Variants in STRBP observed in about 807,000 individuals in gnomAD.
STRBP encodes spermatid perinuclear RNA binding protein.
A neutral mutation model predicts 80.1 loss-of-function variants in STRBP; 13 were observed. The ratio of observed to expected loss-of-function variants is 0.16; its 90% CI spans 0.11 to 0.26. STRBP has a LOEUF of 0.26. STRBP is among the 10% of genes least tolerant of loss of function. The pLI, the probability that STRBP is intolerant of heterozygous loss-of-function variation, is 1.00. For synonymous variants in STRBP, 284 were observed against 291.2 expected, an observed-to-expected ratio of 0.98 and a Z score of 0.25; for missense variants, 485 against 815.2, an observed-to-expected ratio of 0.59 and a Z score of 4.93.
At chr9:123,169,627 G>A (rs2037923489) in intron 6 of STRBP, among the ~76,000 whole-genome samples, 2 of 152,076 alleles carry the variant, frequency 1.3e-5, no homozygotes, top group South Asian at 4.1e-4. Context: ...AAACAGAACA[G>A]CAAATGGTAT....
chr9:123,216,827 T>G (rs2039914882), intron 2 of STRBP, among the ~76,000 whole-genome samples: 1 of 152,192 alleles, frequency 6.6e-6, no homozygotes, highest in South Asian at 2.1e-4. Context: ...CAGTTAATAT[T>G]CACATCAACT....
chr9:123,254,416 G>A (rs1048870829), intron 1 of STRBP, among the ~76,000 whole-genome samples: 5 of 143,656 alleles, frequency 3.5e-5, no homozygotes, highest in Non-Finnish European at 7.5e-5. Flanking sequence ...AACCCAGATC[G>A]CGCCACTGCA....
intron 4 of STRBP, among the ~76,000 whole-genome samples, chr9:123,175,074 T>C (rs2038164151): frequency 6.6e-6 from 1 of 152,180 alleles, no homozygotes; most frequent in Non-Finnish European, 1.5e-5. Context: ...GTGTCACATA[T>C]TCTCATTTAA....
At chr9:123,111,414 A>T in intron 3 of STRBP, 1 of 310,628 alleles carries the variant, frequency 3.2e-6, no homozygotes, top group South Asian at 2.7e-5. Flanking sequence ...TCCATGAACA[A>T]GGAAAAGAAA....
Position 123,146,930 on chromosome 9 carries a change from A to G in STRBP, c.1263T>C (p.Ser421=). ...CATATGTTGTGCCATCCACATCTAC[A>G]GACATTGTGAAGACTGGGGCATGAA... ...GPVHAPVFTM[S]VDVDGTTYEA... Residue 421 remains serine, a synonymous_variant, in exon 13 of 19, where the codon TCT becomes TCC. Transcript: ENST00000348403. 1 of 1,614,116 alleles carries G rather than the reference A, an allele frequency of 6.2e-7. No individual in the cohort carries two copies. The highest frequency in any genetic ancestry group is 1.1e-5 in the South Asian group (1 of 91,082).
chr9:123,122,561 C>CT lies in STRBP; in HGVS notation c.*3035dup. On this transcript the variant is annotated 3_prime_UTR_variant, in exon 19 of 19. Coordinates refer to ENST00000348403, the MANE Select transcript of STRBP (RefSeq NM_018387.5). ...AGAACTATATAAACTCAACTCCTTACTTCACCACCCATGCACTTCATCTAG... is the reference window on the plus strand; with the variant it reads ...AGAACTATATAAACTCAACTCCTTACTTTCACCACCCATGCACTTCATCTAG... 16 of 1,129,552 alleles carry CT rather than the reference C, an allele frequency of 1.4e-5. No homozygotes were observed. The highest frequency in any genetic ancestry group is 1.6e-5 in the Non-Finnish European group (15 of 914,238). 70.0% of individuals were successfully genotyped at this position (1,129,552 alleles called of 1,614,324 possible).
chr9:123,261,580 T>C (rs1481462645), intron 1 of STRBP, among the ~76,000 whole-genome samples: 3 of 152,214 alleles, frequency 2.0e-5, no homozygotes, highest in South Asian at 2.1e-4. Context: ...CTAAAACATT[T>C]ACCACAAAAC....
chr9:123,208,336 T>C (rs1051530467), intron 2 of STRBP, among the ~76,000 whole-genome samples: 2 of 152,166 alleles, frequency 1.3e-5, no homozygotes, highest in Non-Finnish European at 2.9e-5. Context: ...GCCCAGGATG[T>C]TTCCCAAGTC....
intron 6 of STRBP, among the ~76,000 whole-genome samples, chr9:123,162,118 T>C (rs1353549881): frequency 6.6e-6 from 1 of 152,230 alleles, no homozygotes; most frequent in East Asian, 1.9e-4. Flanking sequence ...GTGGGCCAAC[T>C]AATACAATGT....
intron 2 of STRBP, among the ~76,000 whole-genome samples, chr9:123,207,821 C>A: frequency 6.6e-6 from 1 of 152,056 alleles, no homozygotes; most frequent in East Asian, 1.9e-4. Context: ...AAATCTGAAA[C>A]AAGTTTGGTA....
intron 2 of STRBP, among the ~76,000 whole-genome samples, chr9:123,209,771 AGT>A (rs1453060404): frequency 6.6e-6 from 1 of 152,244 alleles, no homozygotes; most frequent in Admixed American, 6.5e-5. Context: ...TTTCAAGCTC[AGT>A]AATAAAAATA....
chr9:123,177,451 T>C (rs1353460378), intron 4 of STRBP, among the ~76,000 whole-genome samples: 9 of 152,086 alleles, frequency 5.9e-5, no homozygotes, highest in Admixed American at 3.3e-4. Context: ...CACACACTTA[T>C]AGTCCTAGCT....
At chr9:123,184,850 A>G (rs774757409) in intron 2 of STRBP, among the ~76,000 whole-genome samples, 6 of 152,076 alleles carry the variant, frequency 3.9e-5, no homozygotes, top group Non-Finnish European at 5.9e-5. Context: ...AAAAGGCCCT[A>G]TTTGTCCCTG....
chr9:123,248,266 T>C (rs960600381), intron 1 of STRBP, among the ~76,000 whole-genome samples: 1 of 141,116 alleles, frequency 7.1e-6, no homozygotes, highest in Non-Finnish European at 1.5e-5. Context: ...ATCGTGTTTT[T>C]TTTTTTTTTT....
chr9:123,148,207 G>A (rs1246031309), intron 11 of STRBP, among the ~76,000 whole-genome samples: 1 of 152,114 alleles, frequency 6.6e-6, no homozygotes, highest in Non-Finnish European at 1.5e-5. Flanking sequence ...AGGTGGTGGG[G>A]AACCTGGAAG....
chr9:123,134,431 G>A (rs186588386), intron 16 of STRBP, among the ~76,000 whole-genome samples: 1 of 152,310 alleles, frequency 6.6e-6, no homozygotes, highest in East Asian at 1.9e-4. Context: ...TGAATGGGCA[G>A]GAGACAGTTT....
chr9:123,137,959 A>C (rs1377863441), intron 14 of STRBP, among the ~76,000 whole-genome samples: 1 of 152,192 alleles, frequency 6.6e-6, no homozygotes, highest in East Asian at 1.9e-4. Flanking sequence ...TGATTTTTGA[A>C]ACTAGGTCTA....
chr9:123,137,438 C>A (rs1449341964), intron 14 of STRBP, among the ~76,000 whole-genome samples: 1 of 152,118 alleles, frequency 6.6e-6, no homozygotes, highest in Non-Finnish European at 1.5e-5. Flanking sequence ...GAGACAGAGT[C>A]TCGCTCTGTG....
Position 123,124,063 on chromosome 9 carries a change from T to C in STRBP, c.*1534A>G. ...CAAACTAATCATTGTGTAATATATATCTGAGAAGTGACACTAACATTTGTT... is the reference window on the plus strand; with the variant it reads ...CAAACTAATCATTGTGTAATATATACCTGAGAAGTGACACTAACATTTGTT... On this transcript the variant is annotated 3_prime_UTR_variant, in exon 19 of 19. Transcript: ENST00000348403. The C allele has an allele frequency of 1.0e-6, 1 of 985,414 alleles. No individual in the cohort carries two copies. The allele number at this position is 985,414 out of a possible 1,614,324, so 61.0% of individuals were successfully genotyped here.
Sources: gnomAD v4.1 joint callset for allele counts (sites outside exome capture counted in the v4.1 genomes callset) on GRCh38, gnomAD v4.1.1 for gene constraint, MANE v1.5 for transcripts, NCBI Gene and HGNC (gene_info 2026-07-23, HGNC 2026-07-21) for gene names.